Variants in MMP26 observed in about 807,000 individuals in gnomAD.
MMP26 encodes matrix metalloproteinase-26.
In MMP26, 33 loss-of-function variants were observed where a neutral mutation model predicts 31.0. That is an observed-to-expected ratio of 1.06 (90% CI 0.81 to 1.42). The LOEUF (loss-of-function observed/expected upper bound fraction) is 1.42, where lower values mean the gene tolerates loss of function less well. MMP26 is among the 40% of genes most tolerant of loss of function. MMP26 has a pLI of 0.00. For missense variants in MMP26, 347 were observed against 316.1 expected, an observed-to-expected ratio of 1.10 and a Z score of -0.74; for synonymous variants, 122 against 114.9, an observed-to-expected ratio of 1.06 and a Z score of -0.40.
intron 1 of MMP26, among the ~76,000 whole-genome samples, chr11:4,761,560 C>A (rs147859206): frequency 6.8e-4 from 104 of 152,226 alleles, no homozygotes; most frequent in African/African-American, 2.5e-3. Flanking sequence ...AATTTGGACG[C>A]TTAAGTGGAG....
chr11:4,945,869 C>T, intron 2 of MMP26: 1 of 410,740 alleles, frequency 2.4e-6, no homozygotes, highest in Non-Finnish European at 4.4e-6. Context: ...CAACTTCTGT[C>T]AGAGCTGTAA....
chr11:4,915,031 T>C (rs1422167650), intron 2 of MMP26: 16 of 1,613,842 alleles, frequency 9.9e-6, no homozygotes, highest in South Asian at 4.4e-5. Context: ...CTATACCCAC[T>C]GTAGAGACGA....
At chr11:4,782,940 TCAGAAG>T (rs1423740042) in intron 2 of MMP26, among the ~76,000 whole-genome samples, 1 of 152,198 alleles carries the variant, frequency 6.6e-6, no homozygotes, top group African/African-American at 2.4e-5. Flanking sequence ...TGCCTAGATT[TCAGAAG>T]ATGTATGGAA....
chr11:4,779,013 C>A (rs934725190), intron 2 of MMP26, among the ~76,000 whole-genome samples: 9 of 151,892 alleles, frequency 5.9e-5, no homozygotes, highest in African/African-American at 2.2e-4. Context: ...GCCTCTTGTT[C>A]TTCCTGATTA....
chr11:4,857,059 A>T (rs1850064323), intron 2 of MMP26, among the ~76,000 whole-genome samples: 1 of 152,224 alleles, frequency 6.6e-6, no homozygotes, highest in Non-Finnish European at 1.5e-5. Flanking sequence ...AATCTCTGGG[A>T]CACATTTAAA....
At chr11:4,967,302 T>G (rs1389571968) in intron 2 of MMP26, among the ~76,000 whole-genome samples, 1 of 152,148 alleles carries the variant, frequency 6.6e-6, no homozygotes, top group Non-Finnish European at 1.5e-5. Context: ...CACAAAAAAG[T>G]CTGGTCTCAT....
intron 2 of MMP26, among the ~76,000 whole-genome samples, chr11:4,799,251 G>A (rs5005350): frequency 0.37 from 55,920 of 151,820 alleles, 11,352 homozygotes; most frequent in African/African-American, 0.52. Flanking sequence ...CAGACTGTAC[G>A]AGCATGGCAC....
intron 2 of MMP26, chr11:4,946,062 A>G: frequency 8.9e-7 from 1 of 1,127,446 alleles, no homozygotes; most frequent in Non-Finnish European, 1.3e-6. Flanking sequence ...AACAACAAAA[A>G]TATGTGTTGA....
chr11:4,906,023 A>G (rs780095632), intron 2 of MMP26, among the ~76,000 whole-genome samples: 1 of 152,136 alleles, frequency 6.6e-6, no homozygotes, highest in African/African-American at 2.4e-5. Context: ...AAATACAGAG[A>G]TATAAGATTA....
At chr11:4,959,459 C>T (rs1311948369) in intron 2 of MMP26, among the ~76,000 whole-genome samples, 1 of 152,034 alleles carries the variant, frequency 6.6e-6, no homozygotes, top group African/African-American at 2.4e-5. Flanking sequence ...CAAGTCAACT[C>T]TCTTGATTGA....
At chr11:4,891,474 T>C (rs954463306) in intron 2 of MMP26, among the ~76,000 whole-genome samples, 4 of 152,098 alleles carry the variant, frequency 2.6e-5, no homozygotes, top group African/African-American at 9.7e-5. Flanking sequence ...CCAACCCCCA[T>C]CTCCAACATT....
At chr11:4,895,784 G>C (rs1429179777) in intron 2 of MMP26, among the ~76,000 whole-genome samples, 1 of 152,136 alleles carries the variant, frequency 6.6e-6, no homozygotes, top group Non-Finnish European at 1.5e-5. Context: ...TAGTTATCCA[G>C]GCATGGTGGC....
At chr11:4,944,872 T>C (rs575153150) in intron 2 of MMP26, 9 of 152,206 alleles carry the variant, frequency 5.9e-5, no homozygotes, top group African/African-American at 2.2e-4. Context: ...CTTGAAGAAA[T>C]ATTACTGAAC....
Position 4,854,455 on chromosome 11 carries a change from T to C in MMP26, c.-145+87114T>C, listed in dbSNP as rs185584523. Among the ~76,000 whole-genome samples, 34 of 152,278 alleles carry C rather than the reference T, an allele frequency of 2.2e-4. 1 individual carries two copies. Among genetic ancestry groups the C allele is most frequent in the African/African-American group, 8.2e-4 (34 of 41,558 alleles). On this transcript the variant is annotated intron_variant, in intron 2 of 7. Transcript: ENST00000380390. The stretch of plus-strand genomic sequence containing the variant: ...CGGAGGGTCCCACGCCCACGGAACC[T>C]TGCTCATTGCTAGCACAGTGGTCCA...
intron 2 of MMP26, chr11:4,787,378 A>C (rs1848962169): frequency 6.6e-6 from 1 of 152,374 alleles, no homozygotes; most frequent in Non-Finnish European, 1.5e-5. Context: ...CATTCTGGTC[A>C]CCGGGGTTGG....
intron 2 of MMP26, among the ~76,000 whole-genome samples, chr11:4,809,798 A>G (rs1849325478): frequency 6.6e-6 from 1 of 152,136 alleles, no homozygotes; most frequent in African/African-American, 2.4e-5. Context: ...TGAAGCTCCC[A>G]TTGAGTTAGG....
At chr11:4,928,477 T>C (rs1420883572) in intron 2 of MMP26, among the ~76,000 whole-genome samples, 1 of 152,146 alleles carries the variant, frequency 6.6e-6, no homozygotes, top group Non-Finnish European at 1.5e-5. Context: ...AAAATCAATG[T>C]AAACAATTGG....
At chr11:4,870,075 G>A (rs538081762) in intron 2 of MMP26, among the ~76,000 whole-genome samples, 1 of 152,188 alleles carries the variant, frequency 6.6e-6, no homozygotes, top group African/African-American at 2.4e-5. Flanking sequence ...CCTGTTGTGG[G>A]ATGGGGGGAT....
At chr11:4,987,310 G>A (rs1564819916) in intron 2 of MMP26, among the ~76,000 whole-genome samples, 2 of 151,830 alleles carry the variant, frequency 1.3e-5, no homozygotes. Context: ...TCAATGCTTT[G>A]TTTTCTTCAA....
Sources: allele counts gnomAD v4.1 joint callset (sites outside exome capture counted in the v4.1 genomes callset), GRCh38; gene constraint gnomAD v4.1.1; transcripts MANE v1.5; gene names NCBI Gene and HGNC (gene_info 2026-07-23, HGNC 2026-07-21).